The following NCALD variants were observed in gnomAD, a reference collection of about 807,000 sequenced individuals.
NCALD encodes neurocalcin-delta.
In NCALD, 10 loss-of-function variants were observed where a neutral mutation model predicts 18.6. The ratio of observed to expected loss-of-function variants is 0.54; its 90% CI spans 0.33 to 0.91. The LOEUF is 0.91. Among genes scored for constraint, NCALD ranks in the 40% least tolerant of loss-of-function variants. NCALD has a pLI of 0.03. For missense variants in NCALD, 184 were observed against 247.6 expected (o/e 0.74, Z 1.72); for synonymous variants, 88 against 87.4 (o/e 1.01, Z -0.04).
intron 1 of NCALD, among the ~76,000 whole-genome samples, chr8:102,096,729 G>T (rs968556678): frequency 2.0e-5 from 3 of 152,182 alleles, no homozygotes; most frequent in Non-Finnish European, 4.4e-5. Context: ...CCCCTAGAGG[G>T]TATTTGGACT....
intron 1 of NCALD, among the ~76,000 whole-genome samples, chr8:101,776,543 G>A (rs117472681): frequency 9.2e-5 from 14 of 152,192 alleles, no homozygotes; most frequent in Admixed American, 3.9e-4. Flanking sequence ...ACTGGAGTCG[G>A]AGGCATTGGA....
chr8:102,060,679 C>A (rs147424727), intron 1 of NCALD, among the ~76,000 whole-genome samples: 8 of 151,988 alleles, frequency 5.3e-5, no homozygotes, highest in Non-Finnish European at 5.9e-5. Context: ...CAGGCAAGTA[C>A]GGAAAATTCA....
chr8:101,963,609 C>T (rs78699160), intron 2 of NCALD, among the ~76,000 whole-genome samples: 5,485 of 152,222 alleles, frequency 0.036, 234 homozygotes, highest in East Asian at 0.097. Flanking sequence ...CTGGATCTAC[C>T]TTTTCCTGAA....
At chr8:101,718,000 A>C (rs1025976218) in intron 2 of NCALD, among the ~76,000 whole-genome samples, 4 of 152,250 alleles carry the variant, frequency 2.6e-5, no homozygotes, top group African/African-American at 9.6e-5. Context: ...TCGGGATGCT[A>C]CAATATTTCC....
At chr8:101,769,416 TTATAA>T (rs2130884877) in intron 1 of NCALD, among the ~76,000 whole-genome samples, 1 of 152,286 alleles carries the variant, frequency 6.6e-6, no homozygotes, top group African/African-American at 2.4e-5. Flanking sequence ...AGAAAATGAA[TTATAA>T]TATACTACCT....
chr8:101,869,598 C>T (rs1273313606), intron 4 of NCALD, among the ~76,000 whole-genome samples: 2 of 152,126 alleles, frequency 1.3e-5, no homozygotes, highest in African/African-American at 2.4e-5. Flanking sequence ...CACAAAGAGC[C>T]AGGGATGGGA....
chr8:102,042,477 C>A (rs1033597763), intron 1 of NCALD, among the ~76,000 whole-genome samples: 1 of 151,860 alleles, frequency 6.6e-6, no homozygotes, highest in South Asian at 2.1e-4. Flanking sequence ...TGATACACTG[C>A]GGCTTCTGAC....
Position 101,894,474 on chromosome 8 carries a change from C to T in NCALD, c.-106-7247G>A, listed in dbSNP as rs560861353. On this transcript the variant is annotated intron_variant, in intron 3 of 6. Transcript: ENST00000311028. The stretch of plus-strand genomic sequence containing the variant: ...AGAACTAGAAAAGCAAAAGCAAACA[C>T]ATTCAAAAGCTAGCAGAAGGCAAGA... 2.5e-4 allele frequency among the ~76,000 whole-genome samples: 36 copies of T among 143,620 alleles called. 1 individual carries two copies. The highest frequency in any genetic ancestry group is 4.5e-4 in the Non-Finnish European group (30 of 67,004). The allele number at this position is 143,620 out of a possible 152,430, so 94.2% of individuals were successfully genotyped here.
chr8:101,926,354 A>T (rs1371559742), intron 2 of NCALD, among the ~76,000 whole-genome samples: 1 of 152,084 alleles, frequency 6.6e-6, no homozygotes, highest in Non-Finnish European at 1.5e-5. Flanking sequence ...CAGTAGTCTC[A>T]GTTTATTTCT....
At position 101,689,030 on chromosome 8, in the gene NCALD, A is replaced by G. The variant is rs1327319240; in HGVS notation, c.*279T>C. 1.4e-6 allele frequency: 1 copy of G among 700,348 alleles called. No homozygotes were observed. Among genetic ancestry groups the G allele is most frequent in the Non-Finnish European group, 2.6e-6 (1 of 384,430 alleles). The allele number at this position is 700,348 out of a possible 1,614,324, so 43.4% of individuals were successfully genotyped here. A position where few individuals can be genotyped will look rare whatever the true frequency, so the allele number is the denominator to read the frequency against. ...GAGTCTTACGTTTTAGAACAGAGACATTAGAATAAAAAAAAATAATAGTAA... is the reference window on the plus strand; with the variant it reads ...GAGTCTTACGTTTTAGAACAGAGACGTTAGAATAAAAAAAAATAATAGTAA... On this transcript the variant is annotated 3_prime_UTR_variant, in exon 4 of 4. Coordinates refer to ENST00000220931, the MANE Select transcript of NCALD (RefSeq NM_032041.3). This position sits in a 1 kb window ranked among gnomAD's most constrained non-coding sequence, Gnocchi z 4.4.
intron 2 of NCALD, among the ~76,000 whole-genome samples, chr8:101,924,155 G>A (rs185593836): frequency 2.6e-5 from 4 of 152,244 alleles, no homozygotes; most frequent in Non-Finnish European, 5.9e-5. Context: ...TTGGAGATAT[G>A]AAACTCTGAG....
At chr8:101,906,306 C>T (rs1047358296) in intron 3 of NCALD, among the ~76,000 whole-genome samples, 2 of 152,224 alleles carry the variant, frequency 1.3e-5, no homozygotes, top group Admixed American at 6.5e-5. Context: ...TTCGAAATCA[C>T]TGCCAAAACC....
At chr8:101,690,782 T>C in intron 3 of NCALD, 1 of 985,456 alleles carries the variant, frequency 1.0e-6, no homozygotes, top group Non-Finnish European at 1.2e-6. Context: ...CCTGCCCACA[T>C]AGTAGTTACA....
At chr8:101,967,551 G>A (rs1213591893) in intron 2 of NCALD, among the ~76,000 whole-genome samples, 1 of 152,092 alleles carries the variant, frequency 6.6e-6, no homozygotes, top group African/African-American at 2.4e-5. Context: ...GAATCAATTG[G>A]TTAAGTGTCC....
chr8:102,060,273 G>A (rs771239902), intron 1 of NCALD, among the ~76,000 whole-genome samples: 19 of 152,142 alleles, frequency 1.2e-4, no homozygotes, highest in Non-Finnish European at 1.8e-4. Flanking sequence ...GAGCCACTGC[G>A]CCCGGCCTGA....
chr8:102,075,294 A>C (rs1170005902), intron 1 of NCALD, among the ~76,000 whole-genome samples: 1 of 152,236 alleles, frequency 6.6e-6, no homozygotes, highest in African/African-American at 2.4e-5. Flanking sequence ...ATATTTATGG[A>C]AACATAACTA....
intron 1 of NCALD, among the ~76,000 whole-genome samples, chr8:101,734,356 C>T (rs1378109155): frequency 6.6e-6 from 1 of 152,190 alleles, no homozygotes; most frequent in Non-Finnish European, 1.5e-5. Flanking sequence ...CCAATCACAT[C>T]TTGTGCTTAG....
At chr8:102,109,118 A>G (rs1392085897) in intron 1 of NCALD, among the ~76,000 whole-genome samples, 1 of 152,132 alleles carries the variant, frequency 6.6e-6, no homozygotes, top group Non-Finnish European at 1.5e-5. Context: ...CAAGGCAAAG[A>G]TCTGGGGCCT....
chr8:101,717,781 C>T (rs1035554254), intron 2 of NCALD, among the ~76,000 whole-genome samples: 2 of 152,176 alleles, frequency 1.3e-5, no homozygotes, highest in East Asian at 1.9e-4. Flanking sequence ...GAAAAAACAA[C>T]AACAACAAAA....
Sources: allele counts gnomAD v4.1 joint callset (sites outside exome capture counted in the v4.1 genomes callset), GRCh38; gene constraint gnomAD v4.1.1; non-coding constraint Gnocchi (gnomAD v3.1); transcripts MANE v1.5; gene names NCBI Gene and HGNC (gene_info 2026-07-23, HGNC 2026-07-21).